The following MYO3B variants were observed in gnomAD, a reference collection of about 807,000 sequenced individuals.
MYO3B encodes myosin IIIB.
In MYO3B, 156 loss-of-function variants were observed where a neutral mutation model predicts 174.6. That is an observed-to-expected ratio of 0.89 (90% CI 0.78 to 1.02). The LOEUF is 1.02. Among genes scored for constraint, MYO3B ranks in the 50% least tolerant of loss-of-function variants. The probability of loss-of-function intolerance (pLI) is 0.00; values close to 1 mark genes in which losing one functional copy is unlikely to be tolerated. For missense variants in MYO3B, 1,632 were observed against 1,639.4 expected, an observed-to-expected ratio of 1.00 and a Z score of 0.08; for synonymous variants, 563 against 569.1, an observed-to-expected ratio of 0.99 and a Z score of 0.15.
chr2:170,208,491 C>A (rs1256692076), intron 3 of MYO3B, among the ~76,000 whole-genome samples: 1 of 152,178 alleles, frequency 6.6e-6, no homozygotes, highest in Admixed American at 6.5e-5. Flanking sequence ...ATTCCCATCA[C>A]CTGGCAGTAT....
chr2:170,283,625 C>A (rs965893050), intron 7 of MYO3B, among the ~76,000 whole-genome samples: 2 of 152,114 alleles, frequency 1.3e-5, no homozygotes, highest in African/African-American at 2.4e-5. Context: ...TACAGACTGG[C>A]TAATTCCTGA....
intron 28 of MYO3B, 59 bp from the exon 29 acceptor site, chr2:170,514,862 G>T: frequency 6.9e-7 from 1 of 1,458,334 alleles, no homozygotes; most frequent in Non-Finnish European, 9.5e-7. Context: ...ACCCAGTTTG[G>T]TAATTCATCT....
At chr2:170,522,418 C>T (rs1261627103) in intron 30 of MYO3B, among the ~76,000 whole-genome samples, 1 of 152,212 alleles carries the variant, frequency 6.6e-6, no homozygotes, top group Non-Finnish European at 1.5e-5. Context: ...CTCACTTAAT[C>T]TCACTTCCAG....
chr2:170,215,464 T>C (rs949857857), intron 5 of MYO3B, among the ~76,000 whole-genome samples: 3 of 152,190 alleles, frequency 2.0e-5, no homozygotes, highest in African/African-American at 7.2e-5. Context: ...TTTTTTAAGT[T>C]TATTGAAGGT....
rs561155817 is a variant in MYO3B, at chr2:170,470,991, T to TC, written c.3014+4280_3014+4281insC. ...CAAATATTTTCTCTCTCTCTCTCTC[T>TC]TTTTTTTTTAATGAGCTACTGGTCA... On this transcript the variant is annotated intron_variant, in intron 25 of 34. Transcript: ENST00000408978. Among the ~76,000 whole-genome samples, 27 of 147,900 alleles carry TC rather than the reference T, an allele frequency of 1.8e-4. 2 individuals are homozygous for TC. In the Middle Eastern group the frequency reaches 0.01, roughly 57 times the overall value.
chr2:170,559,282 G>A (rs12993953), intron 32 of MYO3B, among the ~76,000 whole-genome samples: 5,531 of 152,298 alleles, frequency 0.036, 148 homozygotes, highest in Non-Finnish European at 0.058. Flanking sequence ...CTTCTTAAAT[G>A]TATTCTCCTC....
intron 1 of MYO3B, chr2:170,180,298 TGAAAAGA>T: frequency 3.5e-6 from 1 of 289,292 alleles, no homozygotes; most frequent in Non-Finnish European, 7.6e-6. Flanking sequence ...AATCAGCTCA[TGAAAAGA>T]GGGGCTGCTT....
intron 8 of MYO3B, chr2:170,341,310 T>C (rs2093975400): frequency 6.6e-6 from 1 of 152,218 alleles, no homozygotes; most frequent in South Asian, 2.1e-4. Flanking sequence ...CTTTATAGTG[T>C]CAATGAACAA....
chr2:170,645,167 C>G (rs1041085826), intron 32 of MYO3B, among the ~76,000 whole-genome samples: 1 of 152,084 alleles, frequency 6.6e-6, no homozygotes, highest in Non-Finnish European at 1.5e-5. Flanking sequence ...AGTAAAAACT[C>G]ACATTCTAAT....
At chr2:170,279,511 A>G (rs1270974393) in intron 7 of MYO3B, among the ~76,000 whole-genome samples, 1 of 151,814 alleles carries the variant, frequency 6.6e-6, no homozygotes. Flanking sequence ...GGTTTGTTAC[A>G]TAGGTAAACT....
intron 22 of MYO3B, among the ~76,000 whole-genome samples, chr2:170,424,252 G>A (rs892172941): frequency 6.6e-6 from 1 of 152,128 alleles, no homozygotes; most frequent in Admixed American, 6.6e-5. Flanking sequence ...TTCCAGTGTG[G>A]ATCTTAAATC....
chr2:170,454,481 C>T (rs1010116953), intron 23 of MYO3B, among the ~76,000 whole-genome samples: 8 of 152,216 alleles, frequency 5.3e-5, no homozygotes, highest in African/African-American at 1.7e-4. Context: ...GAAATGTCTC[C>T]GCAGGACTAT....
chr2:170,431,268 A>G (rs775686506), intron 22 of MYO3B, among the ~76,000 whole-genome samples: 2 of 152,138 alleles, frequency 1.3e-5, no homozygotes, highest in Non-Finnish European at 2.9e-5. Context: ...CTAAAAGGAA[A>G]TTCTCCTCGT....
chr2:170,370,505 C>T (rs1026045778), intron 9 of MYO3B, among the ~76,000 whole-genome samples: 1 of 151,906 alleles, frequency 6.6e-6, no homozygotes, highest in Admixed American at 6.6e-5. Context: ...CAGAGAAATT[C>T]TTGTGACTTG....
At chr2:170,626,954 G>A (rs1014548443) in intron 32 of MYO3B, among the ~76,000 whole-genome samples, 66 of 152,108 alleles carry the variant, frequency 4.3e-4, no homozygotes, top group Non-Finnish European at 8.4e-4. Context: ...TGGGTAACCC[G>A]ACCTTTCTCT....
intron 23 of MYO3B, among the ~76,000 whole-genome samples, chr2:170,460,737 T>G (rs990015767): frequency 3.3e-5 from 5 of 152,230 alleles, no homozygotes; most frequent in Non-Finnish European, 5.9e-5. Context: ...CCTGACCACG[T>G]AGCCTTATAA....
chr2:170,594,820 AGCGCGC>A lies in MYO3B; in HGVS notation c.3733+50835_3733+50840del, dbSNP rs1012147794. 1.6e-4 allele frequency among the ~76,000 whole-genome samples: 21 copies of A among 129,284 alleles called. No homozygotes were observed. The South Asian group carries it at 2.6e-3, about 16-fold the overall frequency. 84.8% of individuals were successfully genotyped at this position (129,284 alleles called of 152,430 possible). On this transcript the variant is annotated intron_variant, in intron 32 of 34. Coordinates refer to ENST00000408978, the MANE Select transcript of MYO3B (RefSeq NM_138995.5). ...GCCCAATGAGTATGCACTCTTTCCCAGCGCGCGCACACACACACACACACACACACA... is the reference window on the plus strand; with the variant it reads ...GCCCAATGAGTATGCACTCTTTCCCAGCACACACACACACACACACACACA...
At chr2:170,327,887 G>GTA (rs71006083) in intron 7 of MYO3B, among the ~76,000 whole-genome samples, 73,419 of 142,496 alleles carry the variant, frequency 0.52, 20,091 homozygotes, top group East Asian at 0.67. Flanking sequence ...ACTATATATA[G>GTA]TATATATATA....
At chr2:170,446,099 C>A (rs764144728) in intron 23 of MYO3B, among the ~76,000 whole-genome samples, 1 of 152,202 alleles carries the variant, frequency 6.6e-6, no homozygotes, top group Non-Finnish European at 1.5e-5. Context: ...TCTTTGACAT[C>A]AGCTGGAAAT....
Sources: gnomAD v4.1 joint callset for allele counts (sites outside exome capture counted in the v4.1 genomes callset) on GRCh38, gnomAD v4.1.1 for gene constraint, MANE v1.5 for transcripts, NCBI Gene and HGNC (gene_info 2026-07-23, HGNC 2026-07-21) for gene names.